The following ZFP91 variants were observed in gnomAD, a reference collection of about 807,000 sequenced individuals.
ZFP91 encodes E3 ubiquitin-protein ligase ZFP91.
In ZFP91, 7 loss-of-function variants were observed where a neutral mutation model predicts 63.5. The ratio of observed to expected loss-of-function variants is 0.11; its 90% CI spans 0.06 to 0.21. ZFP91 has a LOEUF of 0.21. ZFP91 is among the 10% of genes least tolerant of loss of function. The pLI, the probability that ZFP91 is intolerant of heterozygous loss-of-function variation, is 1.00. For synonymous variants in ZFP91, 330 were observed against 272.1 expected, an observed-to-expected ratio of 1.21 and a Z score of -2.10; for missense variants, 628 against 736.6, an observed-to-expected ratio of 0.85 and a Z score of 1.71.
At chr11:58,607,465 T>G (rs1855587006) in intron 2 of ZFP91, among the ~76,000 whole-genome samples, 1 of 152,152 alleles carries the variant, frequency 6.6e-6, no homozygotes, top group African/African-American at 2.4e-5. Flanking sequence ...ATTAATGTTT[T>G]ATTTTTTATT....
At chr11:58,590,653 T>G (rs1195360392) in intron 2 of ZFP91, among the ~76,000 whole-genome samples, 1 of 152,202 alleles carries the variant, frequency 6.6e-6, no homozygotes, top group Non-Finnish European at 1.5e-5. Context: ...GGTTTTTAAT[T>G]TTACTCAGCA....
intron 9 of ZFP91, among the ~76,000 whole-genome samples, chr11:58,615,985 GA>G (rs1262063195): frequency 6.6e-6 from 1 of 152,160 alleles, no homozygotes. Flanking sequence ...GTAAAGAAAT[GA>G]ATAAGTACAA....
rs1465455003 is a variant in ZFP91 at position 58,619,208 on chromosome 11, CT to C, written c.*1505del. On this transcript the variant is annotated 3_prime_UTR_variant, in exon 11 of 11. Transcript: ENST00000316059. ...AGTTAATAATCCTATATAATAATTG[CT>C]TTGGCTTTCACCTAAAATTCTGGGC... The C allele has an allele frequency of 2.0e-5, 3 of 152,422 alleles. No homozygotes were observed. Among genetic ancestry groups the C allele is most frequent in the African/African-American group, 7.2e-5 (3 of 41,416 alleles). The allele number at this position is 152,422 out of a possible 1,614,324, so 9.4% of individuals were successfully genotyped here.
At chr11:58,598,471 T>C (rs933218702) in intron 2 of ZFP91, among the ~76,000 whole-genome samples, 38 of 152,208 alleles carry the variant, frequency 2.5e-4, no homozygotes, top group African/African-American at 9.1e-4. Context: ...TAACTAACTG[T>C]AGTTATATTC....
chr11:58,591,948 A>G (rs1193464954), intron 2 of ZFP91, among the ~76,000 whole-genome samples: 1 of 152,132 alleles, frequency 6.6e-6, no homozygotes, highest in Non-Finnish European at 1.5e-5. Flanking sequence ...TAGCCAGGTC[A>G]GCCTGGGTTT....
In ZFP91 at chr11:58,579,211, G is replaced by T; in HGVS notation, c.-71G>T. ...GGCTTCGGGAGGCGAGGGGGCGGGGGGAGCAGCGCCGAGGCCGCCGCCTCC... is the reference window on the plus strand; with the variant it reads ...GGCTTCGGGAGGCGAGGGGGCGGGGTGAGCAGCGCCGAGGCCGCCGCCTCC... On this transcript the variant is annotated 5_prime_UTR_variant, in exon 1 of 11. Transcript: ENST00000316059. The T allele has an allele frequency of 7.9e-7, 1 of 1,266,070 alleles. No homozygotes were observed. The highest frequency in any genetic ancestry group is 1.8e-5 in the South Asian group (1 of 55,320). The allele number at this position is 1,266,070 out of a possible 1,614,324, so 78.4% of individuals were successfully genotyped here.
rs1436903618 is a variant in ZFP91 at position 58,579,441 on chromosome 11, C to G, written c.160C>G (p.Arg54Gly). 1.0e-5 allele frequency: 15 copies of G among 1,435,478 alleles called. No individual in the cohort carries two copies. The highest frequency in any genetic ancestry group is 1.4e-5 in the Non-Finnish European group (15 of 1,101,868). The allele number at this position is 1,435,478 out of a possible 1,614,324, so 88.9% of individuals were successfully genotyped here. The part of the protein sequence containing the change: ...TTSSRVLRGG[R>G]DRGRAAAAAA... ...TAGCAGCCGCGTGCTGAGGGGAGGT[C>G]GGGACCGAGGCCGGGCCGCTGCGGC... Residue 54 changes from arginine to glycine, a missense_variant, in exon 1 of 11, where the codon CGG becomes GGG. By Grantham distance (125) the Arg-to-Gly change is moderately radical. This residue lies in a region of ZFP91 where 437 missense variants were observed against 380.3 expected (regional missense o/e 1.15). Coordinates refer to ENST00000316059, the MANE Select transcript of ZFP91 (RefSeq NM_053023.5).
chr11:58,593,832 A>C (rs540936455), intron 2 of ZFP91, among the ~76,000 whole-genome samples: 4 of 152,330 alleles, frequency 2.6e-5, no homozygotes, highest in African/African-American at 7.2e-5. Context: ...CAATTGTTCA[A>C]GTCAGAAATC....
chr11:58,595,039 T>G (rs1241363546), intron 2 of ZFP91, among the ~76,000 whole-genome samples: 2 of 152,198 alleles, frequency 1.3e-5, no homozygotes, highest in Non-Finnish European at 2.9e-5. Context: ...TGCTTTCCAT[T>G]TCTCGTTTAT....
intron 2 of ZFP91, among the ~76,000 whole-genome samples, chr11:58,590,702 T>G (rs1031099165): frequency 3.3e-5 from 5 of 152,222 alleles, no homozygotes; most frequent in African/African-American, 1.2e-4. Flanking sequence ...TTTCAAATTT[T>G]TTATCCCATA....
intron 8 of ZFP91, 31 bp downstream of exon 8, chr11:58,612,871 A>C (rs751398662): frequency 6.9e-6 from 11 of 1,583,228 alleles, no homozygotes; most frequent in South Asian, 1.1e-5. Context: ...AGAGCCTTTC[A>C]GGTTGTGTTC....
rs1157610571 is a variant in ZFP91 at position 58,611,657 on chromosome 11, A to G, written c.776A>G (p.Lys259Arg). 2 of 1,613,132 alleles carry G rather than the reference A, an allele frequency of 1.2e-6. No homozygotes were observed. Among genetic ancestry groups the G allele is most frequent in the Non-Finnish European group, 8.5e-7 (1 of 1,179,426 alleles). ...KSGKVKEEKE[K>R]KEIKVEVEVE... ...GGGAAGGTAAAAGAAGAGAAGGAGA[A>G]GAAGGAAATTAAAGTGGAAGTAGAG... The change falls in exon 6 of 11, where the codon AAG becomes AGG. Residue 259 changes from lysine to arginine, a missense_variant. Lys to Arg is a conservative substitution (Grantham distance 26). Around this residue, in one of 3 missense-constraint regions of ZFP91, gnomAD observed 437 missense variants for 380.3 expected, o/e 1.15. Coordinates refer to ENST00000316059, the MANE Select transcript of ZFP91 (RefSeq NM_053023.5).
chr11:58,596,274 C>T (rs531100282), intron 2 of ZFP91, among the ~76,000 whole-genome samples: 15 of 152,268 alleles, frequency 9.9e-5, no homozygotes, highest in African/African-American at 2.9e-4. Context: ...GAAGAAGAAT[C>T]GTTACTCTTA....
intron 7 of ZFP91, 51 bp downstream of exon 7, chr11:58,612,379 C>T: frequency 6.3e-7 from 1 of 1,574,940 alleles, no homozygotes; most frequent in Non-Finnish European, 8.7e-7. Flanking sequence ...GTACCAGGCA[C>T]TTTACTCACA....
chr11:58,590,860 T>G (rs1565217037), intron 2 of ZFP91, among the ~76,000 whole-genome samples: 1 of 152,018 alleles, frequency 6.6e-6, no homozygotes, highest in Non-Finnish European at 1.5e-5. Flanking sequence ...TACATTTATA[T>G]TCTATTATTT....
rs894244617 is a variant in ZFP91, at chr11:58,612,212, C to T, written c.858-66C>T. The T allele has an allele frequency of 5.9e-6, 9 of 1,512,652 alleles. No individual in the cohort carries two copies. The African/African-American group carries it at 1.2e-4, about 21-fold the overall frequency. The allele number at this position is 1,512,652 out of a possible 1,614,324, so 93.7% of individuals were successfully genotyped here. On this transcript the variant is annotated intron_variant, in intron 6 of 10. Transcript: ENST00000316059. ...GGCCGTGTGTGTGTGTGTGTGTCTT[C>T]AGCCAGCCTTCACTGTGTAGTTTTG...
chr11:58,593,824 A>G (rs140813960), intron 2 of ZFP91, among the ~76,000 whole-genome samples: 23 of 152,290 alleles, frequency 1.5e-4, no homozygotes, highest in East Asian at 3.9e-4. Flanking sequence ...CATCAGTCCA[A>G]TTGTTCAAGT....
intron 2 of ZFP91, among the ~76,000 whole-genome samples, chr11:58,603,952 A>G (rs115563455): frequency 1.5e-3 from 226 of 152,244 alleles, no homozygotes; most frequent in African/African-American, 4.6e-3. Context: ...GATCTAGATG[A>G]TGAGATTTGA....
At chr11:58,601,390 G>A (rs1322895764) in intron 2 of ZFP91, among the ~76,000 whole-genome samples, 2 of 152,136 alleles carry the variant, frequency 1.3e-5, no homozygotes, top group Non-Finnish European at 2.9e-5. Flanking sequence ...GCAAACAGTT[G>A]TTCATTGTGT....
Sources: allele counts gnomAD v4.1 joint callset (sites outside exome capture counted in the v4.1 genomes callset), GRCh38; gene constraint gnomAD v4.1.1; regional missense constraint gnomAD v4.1.1; transcripts MANE v1.5; gene names NCBI Gene and HGNC (gene_info 2026-07-23, HGNC 2026-07-21).